BNC2: variants seen among roughly 807,000 people sequenced by gnomAD.
BNC2 encodes basonuclin zinc finger protein 2, also known as zinc finger protein basonuclin-2.
A neutral mutation model predicts 76.3 loss-of-function variants in BNC2; 20 were observed. The ratio of observed to expected loss-of-function variants is 0.26; its 90% CI spans 0.18 to 0.38. The LOEUF (loss-of-function observed/expected upper bound fraction) is 0.38. Ranked by LOEUF, BNC2 falls within the 10% of genes least tolerant of loss-of-function variation. The probability of loss-of-function intolerance (pLI) is 1.00; values close to 1 mark genes in which losing one functional copy is unlikely to be tolerated. For missense variants in BNC2, 1,382 were observed against 1,399.8 expected (o/e 0.99, Z 0.20); for synonymous variants, 582 against 514.8 (o/e 1.13, Z -1.77).
chr9:16,497,492 T>C (rs1380037190), intron 5 of BNC2, among the ~76,000 whole-genome samples: 2 of 152,184 alleles, frequency 1.3e-5, no homozygotes, highest in African/African-American at 4.8e-5. Flanking sequence ...TATTGCTTAT[T>C]ATATGCCACA....
At chr9:16,504,729 C>T (rs1215895688) in intron 5 of BNC2, among the ~76,000 whole-genome samples, 1 of 152,180 alleles carries the variant, frequency 6.6e-6, no homozygotes. Flanking sequence ...TGCCTATAGT[C>T]CCAGCTACTG....
Position 16,539,573 on chromosome 9 carries a change from G to C in BNC2, c.669+12957C>G, listed in dbSNP as rs374694421. ...AGAGAGGGGGAGGGGGAGAGAGAGA[G>C]AGACAGAGAAGGGAGGGAGGGAGCG... On this transcript the variant is annotated intron_variant, in intron 5 of 6. Coordinates refer to ENST00000380672, the MANE Select transcript of BNC2 (RefSeq NM_017637.6). Among the ~76,000 whole-genome samples, 6 of 122,744 alleles carry C rather than the reference G, an allele frequency of 4.9e-5. No homozygotes were observed. In the East Asian group the frequency reaches 1.0e-3, roughly 21 times the overall value. The allele number at this position is 122,744 out of a possible 152,430, so 80.5% of individuals were successfully genotyped here. A position where few individuals can be genotyped will look rare whatever the true frequency, so the allele number is the denominator to read the frequency against.
intron 1 of BNC2, among the ~76,000 whole-genome samples, chr9:16,763,327 T>G (rs949768067): frequency 6.6e-6 from 1 of 152,116 alleles, no homozygotes; most frequent in African/African-American, 2.4e-5. Context: ...CCCAGCATTT[T>G]TGGAGGCCAA....
intron 3 of BNC2, among the ~76,000 whole-genome samples, chr9:16,649,595 T>C (rs1428397996): frequency 2.6e-5 from 4 of 152,196 alleles, no homozygotes; most frequent in African/African-American, 9.6e-5. Context: ...TAAAAAACCA[T>C]CAGTGACTAC....
chr9:16,689,388 C>G (rs879334678), intron 3 of BNC2, among the ~76,000 whole-genome samples: 1 of 152,034 alleles, frequency 6.6e-6, no homozygotes, highest in Non-Finnish European at 1.5e-5. Flanking sequence ...GTCAGGGATG[C>G]CCCCTGCAGA....
In BNC2 at chr9:16,415,024, G is replaced by T. The variant is rs568004944; in HGVS notation, c.*3965C>A. The T allele has an allele frequency of 6.7e-6, 1 of 148,386 alleles. No homozygotes were observed. Among genetic ancestry groups the T allele is most frequent in the South Asian group, 2.1e-4 (1 of 4,692 alleles). The allele number at this position is 148,386 out of a possible 1,614,324, so 9.2% of individuals were successfully genotyped here. ...AAGGGCCTGAAAATTCATGACCAAA[G>T]AAATAACACTATGAGGACAGTGGCA... On this transcript the variant is annotated 3_prime_UTR_variant, in exon 7 of 7. Transcript: ENST00000380672.
chr9:16,777,073 C>T (rs367971730), intron 1 of BNC2, among the ~76,000 whole-genome samples: 1 of 151,926 alleles, frequency 6.6e-6, no homozygotes, highest in East Asian at 1.9e-4. Flanking sequence ...TTGCAGTGAG[C>T]CGAGATGGCG....
intron 3 of BNC2, among the ~76,000 whole-genome samples, chr9:16,717,686 T>C (rs1824031155): frequency 6.6e-6 from 1 of 152,190 alleles, no homozygotes; most frequent in Admixed American, 6.5e-5. Context: ...AATCTGTGTT[T>C]TATGGAGAGA....
chr9:16,442,923 C>G (rs1424392423), intron 5 of BNC2, among the ~76,000 whole-genome samples: 1 of 151,672 alleles, frequency 6.6e-6, no homozygotes, highest in Non-Finnish European at 1.5e-5. Flanking sequence ...CTGGCCAACA[C>G]CATGAAAACC....
intron 6 of BNC2, among the ~76,000 whole-genome samples, chr9:16,420,281 C>T (rs1820683370): frequency 6.6e-6 from 1 of 152,134 alleles, no homozygotes; most frequent in Non-Finnish European, 1.5e-5. Flanking sequence ...GGGTTACAGA[C>T]TGTCTTTTAA....
chr9:16,509,164 T>C (rs1822698159), intron 5 of BNC2, among the ~76,000 whole-genome samples: 1 of 152,126 alleles, frequency 6.6e-6, no homozygotes, highest in South Asian at 2.1e-4. Context: ...AAATGTCCAC[T>C]TCATCTTCAG....
chr9:16,681,829 C>G (rs1438551057), intron 3 of BNC2, among the ~76,000 whole-genome samples: 1 of 152,146 alleles, frequency 6.6e-6, no homozygotes, highest in Non-Finnish European at 1.5e-5. Context: ...GGGCAGGAAT[C>G]CTTGCGGTTT....
At chr9:16,434,721 C>A in intron 6 of BNC2, 1 of 416,050 alleles carries the variant, frequency 2.4e-6, no homozygotes, top group Non-Finnish European at 4.8e-6. Flanking sequence ...TCTGCTTAAG[C>A]CCAACTGTTT....
intron 3 of BNC2, among the ~76,000 whole-genome samples, chr9:16,672,809 C>T (rs896195421): frequency 2.6e-5 from 4 of 152,138 alleles, no homozygotes; most frequent in African/African-American, 9.7e-5. Context: ...TAAGAGAACA[C>T]CATGGAGTAG....
chr9:16,792,606 T>C (rs762616928), intron 1 of BNC2, among the ~76,000 whole-genome samples: 19 of 152,196 alleles, frequency 1.2e-4, no homozygotes, highest in Middle Eastern at 3.2e-3. Context: ...ATAGTTCAAA[T>C]ACATTCAATT....
intron 1 of BNC2, among the ~76,000 whole-genome samples, chr9:16,800,279 G>A (rs896123656): frequency 1.3e-5 from 2 of 151,642 alleles, no homozygotes; most frequent in Non-Finnish European, 2.9e-5. Context: ...GATGGCAGGT[G>A]GATGGAAAAA....
rs564565592 is a variant in BNC2 at position 16,447,618 on chromosome 9, G to A, written c.670-10094C>T. ...GCTGCTTGTCAGTGATGTGATTACA[G>A]TCACTAATTCTTTTGGATTAATTTT... is the stretch of plus-strand genomic sequence containing the variant. On this transcript the variant is annotated intron_variant, in intron 5 of 6. Transcript: ENST00000380672. 2.0e-5 allele frequency among the ~76,000 whole-genome samples: 3 copies of A among 152,118 alleles called. No individual in the cohort carries two copies. The East Asian group carries it at 5.8e-4, about 29-fold the overall frequency.
rs755319182 is a variant in BNC2 at position 16,435,884 on chromosome 9, G to T, written c.2310C>A (p.Asp770Glu). 1.2e-6 allele frequency: 2 copies of T among 1,613,804 alleles called. No individual in the cohort carries two copies. Among genetic ancestry groups the T allele is most frequent in the Middle Eastern group, 3.3e-4 (2 of 6,062 alleles). ...DENHSEPSHQ[D>E]VIKVKEEFTD... Reference sequence around the variant, plus strand: ...TAAATTCTTCCTTCACCTTGATGACGTCCTGGTGAGAGGGCTCACTGTGGT... The same window carrying T: ...TAAATTCTTCCTTCACCTTGATGACTTCCTGGTGAGAGGGCTCACTGTGGT... Residue 770 changes from aspartate (D) to glutamate (E), a missense_variant, in exon 6 of 7, where the codon GAC becomes GAA. By Grantham distance (45) the Asp-to-Glu change is conservative. Transcript: ENST00000380672.
intron 3 of BNC2, among the ~76,000 whole-genome samples, chr9:16,610,468 G>A (rs1428237016): frequency 6.6e-6 from 1 of 152,116 alleles, no homozygotes; most frequent in Admixed American, 6.6e-5. Context: ...ATGATAAACT[G>A]ACAAAATATT....
Sources: gnomAD v4.1 joint callset for allele counts (sites outside exome capture counted in the v4.1 genomes callset) on GRCh38, gnomAD v4.1.1 for gene constraint, MANE v1.5 for transcripts, NCBI Gene and HGNC (gene_info 2026-07-23, HGNC 2026-07-21) for gene names.